The following ADCY8 variants were observed in gnomAD, a reference collection of about 807,000 sequenced individuals.
The protein encoded by ADCY8 is adenylate cyclase 8.
A neutral mutation model predicts 119.7 loss-of-function variants in ADCY8; 51 were observed. The ratio of observed to expected loss-of-function variants is 0.43; its 90% CI spans 0.34 to 0.54. The LOEUF is 0.54. Ranked by LOEUF, ADCY8 falls within the 20% of genes least tolerant of loss-of-function variation. The pLI, the probability that ADCY8 is intolerant of heterozygous loss-of-function variation, is 0.03. For synonymous variants in ADCY8, 665 were observed against 651.0 expected, an observed-to-expected ratio of 1.02 and a Z score of -0.33; for missense variants, 1,383 against 1,598.8, an observed-to-expected ratio of 0.87 and a Z score of 2.30.
chr8:130,986,990 C>T (rs1285952448), intron 2 of ADCY8, among the ~76,000 whole-genome samples: 1 of 152,246 alleles, frequency 6.6e-6, no homozygotes, highest in Admixed American at 6.5e-5. Flanking sequence ...TTTCTTCCCT[C>T]TCTTCTAATA....
chr8:130,921,252 A>G (rs1820292477), intron 5 of ADCY8, among the ~76,000 whole-genome samples: 1 of 152,130 alleles, frequency 6.6e-6, no homozygotes, highest in African/African-American at 2.4e-5. Flanking sequence ...TGTATTAAGA[A>G]GTGGAGGTTC....
chr8:130,857,882 T>G (rs80251375), intron 9 of ADCY8, among the ~76,000 whole-genome samples: 26,648 of 152,164 alleles, frequency 0.18, 2,406 homozygotes, highest in East Asian at 0.28. Context: ...TTCCAGATAA[T>G]CAACCATTTC....
chr8:130,899,497 T>A (rs34673547), intron 7 of ADCY8, among the ~76,000 whole-genome samples: 46 of 151,604 alleles, frequency 3.0e-4, no homozygotes, highest in Admixed American at 2.0e-3. Flanking sequence ...TCTCAGCTAC[T>A]TAAGAGGCTG....
rs1818542825 is a variant in ADCY8 at position 130,875,868 on chromosome 8, G to A, written c.2110-7922C>T. ...GATTCTCTTGTGTGGCAAATCCTTG[G>A]TTTTATGTGGCTGCTAACCGAAAAA... is the stretch of plus-strand genomic sequence containing the variant. On this transcript the variant is annotated intron_variant, in intron 8 of 17. Coordinates refer to ENST00000286355, the MANE Select transcript of ADCY8 (RefSeq NM_001115.3). Among the ~76,000 whole-genome samples, 3 of 152,100 alleles carry A rather than the reference G, an allele frequency of 2.0e-5. No individual in the cohort carries two copies. The South Asian group carries it at 6.2e-4, about 32-fold the overall frequency.
At position 130,847,737 on chromosome 8, in the gene ADCY8, T is replaced by TC. The variant is rs548498786; in HGVS notation, c.2413-225_2413-224insG. The stretch of plus-strand genomic sequence containing the variant: ...ACAAGTGCTTGCTCAGAAAGACCTT[T>TC]TGTAAGCCAGTCATGAAACTAAGTT... On this transcript the variant is annotated intron_variant, in intron 10 of 17. Transcript: ENST00000286355. Among the ~76,000 whole-genome samples, 144 of 152,226 alleles carry TC rather than the reference T, an allele frequency of 9.5e-4. 1 individual carries two copies. The highest frequency in any genetic ancestry group is 5.6e-3 in the Admixed American group (86 of 15,292).
intron 2 of ADCY8, among the ~76,000 whole-genome samples, chr8:130,959,304 T>C (rs1261611576): frequency 6.6e-6 from 1 of 152,238 alleles, no homozygotes; most frequent in African/African-American, 2.4e-5. Context: ...CCACCAGAAA[T>C]GTTCATATGG....
chr8:130,837,932 A>G (rs1563685761), intron 11 of ADCY8, among the ~76,000 whole-genome samples: 1 of 152,212 alleles, frequency 6.6e-6, no homozygotes, highest in Non-Finnish European at 1.5e-5. Flanking sequence ...GATATAACCA[A>G]TTCACGTAAA....
intron 2 of ADCY8, among the ~76,000 whole-genome samples, chr8:130,977,434 T>C (rs754147767): frequency 6.6e-6 from 1 of 152,200 alleles, no homozygotes; most frequent in Non-Finnish European, 1.5e-5. Flanking sequence ...TTTCCTCTTT[T>C]CATACTCCAA....
chr8:130,980,308 G>A (rs916871499), intron 2 of ADCY8, among the ~76,000 whole-genome samples: 5 of 152,120 alleles, frequency 3.3e-5, no homozygotes, highest in African/African-American at 1.2e-4. Context: ...AGGTTCGGGG[G>A]AACATGCATT....
chr8:130,809,835 A>T (rs754847875), intron 14 of ADCY8, among the ~76,000 whole-genome samples: 3 of 152,240 alleles, frequency 2.0e-5, no homozygotes, highest in Middle Eastern at 3.2e-3. Context: ...CAATGATGGC[A>T]CTGATGGCTT....
chr8:130,973,360 T>A lies in ADCY8; in HGVS notation c.1110+17033A>T, dbSNP rs139157641. On this transcript the variant is annotated intron_variant, in intron 2 of 17. Transcript: ENST00000286355. Reference sequence around the variant, plus strand: ...TGTGGCATAAACAGAATCTTCAAAATTGTTTGTACATTAGGGCTTATGTTT... The same window carrying A: ...TGTGGCATAAACAGAATCTTCAAAAATGTTTGTACATTAGGGCTTATGTTT... Among the ~76,000 whole-genome samples, 7 of 152,358 alleles carry A rather than the reference T, an allele frequency of 4.6e-5. No individual in the cohort carries two copies. The East Asian group carries it at 1.4e-3, about 29-fold the overall frequency.
chr8:130,809,266 T>C (rs1273104012), intron 14 of ADCY8, among the ~76,000 whole-genome samples: 3 of 152,214 alleles, frequency 2.0e-5, no homozygotes, highest in African/African-American at 4.8e-5. Context: ...TTGAGCTCAC[T>C]ACTCACTAGC....
chr8:131,039,416 G>A lies in ADCY8; in HGVS notation c.918C>T (p.Leu306=). The change falls in exon 1 of 18, where the codon CTC becomes CTT. Residue 306 remains leucine, a synonymous_variant. Transcript: ENST00000286355. The part of the protein sequence containing the change: ...GLGTSLLQVI[L]QVVIPRLAVI... ...CCGCCAGCCGGGGTATGACCACTTGGAGGATGACCTGCAGCAGCGAGGTGC... is the reference window on the plus strand; with the variant it reads ...CCGCCAGCCGGGGTATGACCACTTGAAGGATGACCTGCAGCAGCGAGGTGC... 6.2e-7 allele frequency: 1 copy of A among 1,614,174 alleles called. No homozygotes were observed. Among genetic ancestry groups the A allele is most frequent in the Non-Finnish European group, 8.5e-7 (1 of 1,180,040 alleles).
chr8:131,038,126 C>T (rs1239148364), intron 1 of ADCY8, among the ~76,000 whole-genome samples: 2 of 152,168 alleles, frequency 1.3e-5, no homozygotes, highest in African/African-American at 4.8e-5. Context: ...CCACATTGAC[C>T]AGAAGTCCAG....
At chr8:130,937,482 T>TCTGCA (rs986127947) in intron 4 of ADCY8, among the ~76,000 whole-genome samples, 9 of 152,202 alleles carry the variant, frequency 5.9e-5, no homozygotes, top group Non-Finnish European at 1.0e-4. Context: ...AGCTCTATGG[T>TCTGCA]CTGCACACCT....
At chr8:130,990,717 C>A in intron 1 of ADCY8, 175 bp from the exon 2 acceptor site, 1 of 729,936 alleles carries the variant, frequency 1.4e-6, no homozygotes, top group Non-Finnish European at 2.0e-6. Flanking sequence ...AATGTCATCC[C>A]TTTGGAGAGG....
chr8:130,835,827 A>T (rs1332491896), intron 12 of ADCY8, among the ~76,000 whole-genome samples: 2 of 152,002 alleles, frequency 1.3e-5, no homozygotes, highest in African/African-American at 4.8e-5. Context: ...AATATTTTTA[A>T]TTTTTTTTAA....
At chr8:130,981,959 C>T (rs760632773) in intron 2 of ADCY8, among the ~76,000 whole-genome samples, 44 of 152,108 alleles carry the variant, frequency 2.9e-4, no homozygotes, top group Non-Finnish European at 5.9e-4. Flanking sequence ...TTATTATCTT[C>T]GACAGATGTT....
At chr8:130,874,926 A>C (rs1323511080) in intron 8 of ADCY8, among the ~76,000 whole-genome samples, 1 of 152,118 alleles carries the variant, frequency 6.6e-6, no homozygotes, top group Non-Finnish European at 1.5e-5. Flanking sequence ...TTTACCTAGA[A>C]GTCCCTGGTT....
Sources: gnomAD v4.1 joint callset for allele counts (sites outside exome capture counted in the v4.1 genomes callset) on GRCh38, gnomAD v4.1.1 for gene constraint, MANE v1.5 for transcripts, NCBI Gene and HGNC (gene_info 2026-07-23, HGNC 2026-07-21) for gene names.